Variants in PLAC1 observed in about 807,000 individuals in gnomAD.
PLAC1 encodes placenta associated 1.
For synonymous variants in PLAC1, 68 were observed against 62.1 expected (o/e 1.09, Z -0.44); for missense variants, 136 against 163.2 (o/e 0.83, Z 0.91).
chrX:134,568,443 C>G (rs1602782147), intron 2 of PLAC1, among the ~76,000 whole-genome samples: 2 of 112,301 alleles, frequency 1.8e-5, no homozygotes, highest in African/African-American at 6.5e-5. Flanking sequence ...GAAAAACGCA[C>G]TGGCCTGGAT....
intron 1 of PLAC1, among the ~76,000 whole-genome samples, chrX:134,619,639 A>G (rs1283190070): frequency 3.7e-5 from 4 of 107,042 alleles, no homozygotes; most frequent in Non-Finnish European, 7.7e-5. Flanking sequence ...TGACAAAGCA[A>G]GACTCCATCT....
chrX:134,650,585 T>C lies in PLAC1; in HGVS notation c.-131+7743A>G, dbSNP rs373052426. Among the ~76,000 whole-genome samples the C allele has an allele frequency of 5.4e-5, 6 of 112,048 alleles. No individual in the cohort carries two copies. The East Asian group carries it at 1.1e-3, about 21-fold the overall frequency. ...CCATAAGAAGGCTCCAGGTCTGTCGTGTCCACAGCACCCAACACAGTGCTT... is the reference window on the plus strand; with the variant it reads ...CCATAAGAAGGCTCCAGGTCTGTCGCGTCCACAGCACCCAACACAGTGCTT... On this transcript the variant is annotated intron_variant, in intron 1 of 2. Transcript: ENST00000359237.
At chrX:134,605,193 A>G (rs2078116543) in intron 1 of PLAC1, among the ~76,000 whole-genome samples, 2 of 111,881 alleles carry the variant, frequency 1.8e-5, no homozygotes, top group South Asian at 7.6e-4. Context: ...GATCTCAAGT[A>G]CTTAGTCTCA....
intron 1 of PLAC1, among the ~76,000 whole-genome samples, chrX:134,740,544 C>T (rs1224497554): frequency 1.8e-5 from 2 of 111,169 alleles, no homozygotes; most frequent in Non-Finnish European, 3.8e-5. Context: ...ACATGGAAGT[C>T]GCTGAGAGGG....
chrX:134,675,421 T>C (rs2078470180), intron 2 of PLAC1, among the ~76,000 whole-genome samples: 1 of 111,797 alleles, frequency 8.9e-6, no homozygotes, highest in Non-Finnish European at 1.9e-5. Flanking sequence ...ATCCCAGCAT[T>C]TCGGGAGGCC....
At chrX:134,600,326 C>G (rs1295525557) in intron 2 of PLAC1, among the ~76,000 whole-genome samples, 1 of 111,203 alleles carries the variant, frequency 9.0e-6, no homozygotes, top group African/African-American at 3.3e-5. Flanking sequence ...GTCACCAGAC[C>G]TGGCTAATTT....
chrX:134,609,061 C>T (rs2078139440), intron 1 of PLAC1, among the ~76,000 whole-genome samples: 1 of 110,913 alleles, frequency 9.0e-6, no homozygotes, highest in South Asian at 3.9e-4. Context: ...TAGCCTTGAC[C>T]TCCTGGGCTC....
intron 2 of PLAC1, among the ~76,000 whole-genome samples, chrX:134,672,658 G>A (rs1288585053): frequency 1.8e-5 from 2 of 112,336 alleles, no homozygotes; most frequent in South Asian, 3.7e-4. Context: ...CAGAGCAAAG[G>A]ATTCTTTCAT....
intron 2 of PLAC1, among the ~76,000 whole-genome samples, chrX:134,590,995 G>C (rs553966216): frequency 1.8e-5 from 2 of 110,853 alleles, no homozygotes; most frequent in African/African-American, 6.6e-5. Context: ...CACATGTCGA[G>C]AGAATGGCCA....
chrX:134,752,121 C>T (rs1318696057), intron 1 of PLAC1, among the ~76,000 whole-genome samples: 1 of 112,340 alleles, frequency 8.9e-6, no homozygotes, highest in Admixed American at 9.5e-5. Context: ...AGATGAAAGA[C>T]ATGGGATGGC....
At chrX:134,706,717 A>T (rs1288794221) in intron 2 of PLAC1, among the ~76,000 whole-genome samples, 2 of 111,939 alleles carry the variant, frequency 1.8e-5, no homozygotes, top group Non-Finnish European at 3.8e-5. Context: ...CAACAAAGAA[A>T]ATAGGAGATA....
At chrX:134,604,692 G>A (rs1472726849) in intron 1 of PLAC1, 1 of 111,836 alleles carries the variant, frequency 8.9e-6, no homozygotes, top group South Asian at 3.8e-4. Context: ...CAAGCTAAAA[G>A]TATGTGTTTT....
At chrX:134,579,441 G>A (rs755885414) in intron 2 of PLAC1, among the ~76,000 whole-genome samples, 9 of 111,981 alleles carry the variant, frequency 8.0e-5, no homozygotes, top group African/African-American at 9.7e-5. Flanking sequence ...CTTGGCTTCC[G>A]GACTATGGCT....
intron 2 of PLAC1, among the ~76,000 whole-genome samples, chrX:134,677,751 G>A (rs747975808): frequency 9.0e-6 from 1 of 111,548 alleles, no homozygotes; most frequent in Non-Finnish European, 1.9e-5. Flanking sequence ...AGCCCGGGGG[G>A]TGACATGTTC....
intron 1 of PLAC1, among the ~76,000 whole-genome samples, chrX:134,611,980 C>T (rs924298586): frequency 9.0e-6 from 1 of 111,690 alleles, no homozygotes; most frequent in South Asian, 3.8e-4. Context: ...TACTTGTTCT[C>T]TCTTCAGCCG....
rs192720984 is a variant in PLAC1, at chrX:134,649,692, G to A, written c.-131+8636C>T. Among the ~76,000 whole-genome samples the A allele has an allele frequency of 5.3e-5, 6 of 112,292 alleles. No individual in the cohort carries two copies. In the East Asian group the frequency reaches 1.4e-3, roughly 26 times the overall value. ...ACAAAACACATCCACTTTATACTCC[G>A]TGGGAGAGAAAAGCCACTGTAAGGC... is the stretch of plus-strand genomic sequence containing the variant. On this transcript the variant is annotated intron_variant, in intron 1 of 2. Transcript: ENST00000359237.
At position 134,679,244 on chromosome X, in the gene PLAC1, GAATC is replaced by G. The variant is rs754918152; in HGVS notation, n.174+54187_174+54190del. ...TGAGTTGGAGAAAGGGTAGGCTCAA[GAATC>G]AGGAGTTCGGTATTGTCTGAGATGC... On this transcript the variant is annotated intron_variant and non_coding_transcript_variant, in intron 2 of 2. Coordinates refer to the PLAC1 transcript ENST00000466797. 2.9e-4 allele frequency among the ~76,000 whole-genome samples: 32 copies of G among 111,561 alleles called. 1 individual carries two copies. The highest frequency in any genetic ancestry group is 3.8e-5 in the Non-Finnish European group (2 of 53,122).
Position 134,655,075 on chromosome X carries a change from G to A in PLAC1, c.-131+3253C>T, listed in dbSNP as rs150441816. Among the ~76,000 whole-genome samples the A allele has an allele frequency of 4.1e-3, 456 of 111,667 alleles. 1 individual carries two copies. The highest frequency in any genetic ancestry group is 0.013 in the African/African-American group (406 of 30,748). The stretch of plus-strand genomic sequence containing the variant: ...ATGCAGATAACATTTCAAGAAATGT[G>A]ACCAGTGGTTACTTCTGGGAAGGAG... On this transcript the variant is annotated intron_variant, in intron 1 of 2. Coordinates refer to ENST00000359237, the MANE Select transcript of PLAC1 (RefSeq NM_021796.4).
intron 2 of PLAC1, among the ~76,000 whole-genome samples, chrX:134,715,530 A>C (rs2078641003): frequency 9.3e-6 from 1 of 107,901 alleles, no homozygotes; most frequent in African/African-American, 3.4e-5. Context: ...AGCATTACTG[A>C]GATGCTGGGA....
Sources: allele counts gnomAD v4.1 joint callset (sites outside exome capture counted in the v4.1 genomes callset), GRCh38; gene constraint gnomAD v4.1.1; transcripts MANE v1.5; gene names NCBI Gene and HGNC (gene_info 2026-07-23, HGNC 2026-07-21).